Variants in HPS3 observed in about 807,000 individuals in gnomAD.
HPS3 encodes BLOC-2 complex member HPS3.
HPS3 carries 79 observed loss-of-function variants against 110.9 expected under a neutral mutation model. The ratio of observed to expected loss-of-function variants is 0.71; its 90% confidence interval spans 0.59 to 0.86. HPS3 has a LOEUF of 0.86. HPS3 is among the 40% of genes least tolerant of loss of function. The pLI is 0.00. For synonymous variants in HPS3, 428 were observed against 451.0 expected (o/e 0.95, Z 0.65); for missense variants, 1,197 against 1,206.2 (o/e 0.99, Z 0.11).
At chr3:149,133,929 T>A (rs967597138) in intron 1 of HPS3, among the ~76,000 whole-genome samples, 1 of 152,164 alleles carries the variant, frequency 6.6e-6, no homozygotes, top group African/African-American at 2.4e-5. Context: ...TTATTTGCTT[T>A]ATTGCGGTGG....
Position 149,162,875 on chromosome 3 carries a change from T to A in HPS3, c.2478T>A (p.Asp826Glu). Residue 826 changes from aspartate (D) to glutamate (E), a missense_variant, in exon 13 of 17, where the codon GAT becomes GAA. By Grantham distance (45) the Asp-to-Glu change is conservative (BLOSUM62 2). Coordinates refer to ENST00000296051, the MANE Select transcript of HPS3 (RefSeq NM_032383.5). The stretch of plus-strand genomic sequence containing the variant: ...CCACACCATTGCGAACATCGGAGGA[T>A]CTGGTAAGATAATGGAATAATACCT... The part of the protein sequence containing the change: ...PDTTPLRTSE[D>E]LINACSHYGL... The A allele has an allele frequency of 6.2e-7, 1 of 1,612,524 alleles. No homozygotes were observed. Among genetic ancestry groups the A allele is most frequent in the Non-Finnish European group, 8.5e-7 (1 of 1,178,604 alleles).
chr3:149,163,858 A>G lies in HPS3; in HGVS notation c.2498A>G (p.His833Arg). Residue 833 changes from histidine (H) to arginine (R), a missense_variant, in exon 14 of 17, where the codon CAT becomes CGT. Coordinates refer to ENST00000296051, the MANE Select transcript of HPS3 (RefSeq NM_032383.5). ...TSEDLINACSHYGLIYPWVHV... is the reference protein window; with the variant it reads ...TSEDLINACSRYGLIYPWVHV... ...ATGTTTTAGATAAATGCCTGTAGTCATTATGGCTTAATTTATCCATGGGTT... is the reference window on the plus strand; with the variant it reads ...ATGTTTTAGATAAATGCCTGTAGTCGTTATGGCTTAATTTATCCATGGGTT... 1 of 1,559,094 alleles carries G rather than the reference A, an allele frequency of 6.4e-7. No individual in the cohort carries two copies.
intron 1 of HPS3, among the ~76,000 whole-genome samples, chr3:149,135,908 A>G (rs918770140): frequency 1.0e-3 from 154 of 152,330 alleles, no homozygotes; most frequent in African/African-American, 3.6e-3. Flanking sequence ...TCCTGGAGTC[A>G]TAAAACATAT....
At chr3:149,135,171 A>G (rs2108120727) in intron 1 of HPS3, among the ~76,000 whole-genome samples, 2 of 152,330 alleles carry the variant, frequency 1.3e-5, no homozygotes, top group Middle Eastern at 6.8e-3. Flanking sequence ...AAAATCTCAA[A>G]TTAGCTGAAA....
Position 149,136,315 on chromosome 3 carries a change from G to A in HPS3, c.218-3689G>A, listed in dbSNP as rs549310830. 6.6e-5 allele frequency among the ~76,000 whole-genome samples: 10 copies of A among 152,192 alleles called. 1 individual carries two copies. The highest frequency in any genetic ancestry group is 2.4e-4 in the African/African-American group (10 of 41,514). ...AAGGATCACTTGAGTCCGGGAGGTG[G>A]AGGTTGCAGTGAGCCAAGACAACTT... On this transcript the variant is annotated intron_variant, in intron 1 of 16. Coordinates refer to ENST00000296051, the MANE Select transcript of HPS3 (RefSeq NM_032383.5).
At chr3:149,166,264 A>G (rs1475527755) in intron 14 of HPS3, among the ~76,000 whole-genome samples, 1 of 152,236 alleles carries the variant, frequency 6.6e-6, no homozygotes, top group Non-Finnish European at 1.5e-5. Context: ...GATAACAATG[A>G]TTAGTTCTAA....
Position 149,140,447 on chromosome 3 carries a change from G to A in HPS3, c.661G>A (p.Val221Ile), listed in dbSNP as rs143063861. 35 of 1,612,328 alleles carry A rather than the reference G, an allele frequency of 2.2e-5. No individual in the cohort carries two copies. In the African/African-American group the frequency reaches 3.6e-4, roughly 17 times the overall value. Residue 221 changes from valine (V) to isoleucine (I), a missense_variant, in exon 2 of 17, where the codon GTT becomes ATT. Transcript: ENST00000296051. ...GTCAGGCCCTAAAAATGGAGAGAGAGTTCACCACCATCCACATAAGACCAA... is the reference window on the plus strand; with the variant it reads ...GTCAGGCCCTAAAAATGGAGAGAGAATTCACCACCATCCACATAAGACCAA... The part of the protein sequence containing the change: ...LESGPKNGER[V>I]HHHPHKTNNR...
chr3:149,157,164 A>G (rs1723505679), intron 8 of HPS3, among the ~76,000 whole-genome samples, 186 bp from the exon 9 acceptor site: 1 of 152,206 alleles, frequency 6.6e-6, no homozygotes, highest in Admixed American at 6.5e-5. Context: ...ACTGGCTCAT[A>G]GATGGTGGGA....
In HPS3 at chr3:149,140,240, T is replaced by C. The variant is rs779562582; in HGVS notation, c.454T>C (p.Cys152Arg). Residue 152 changes from cysteine to arginine, a missense_variant, in exon 2 of 17, where the codon TGC becomes CGC. Coordinates refer to ENST00000296051, the MANE Select transcript of HPS3 (RefSeq NM_032383.5). ...CPVKGDLLVG[C>R]TNKLVLFSLK... ...TGTGAAAGGAGACCTTCTCGTTGGC[T>C]GCACAAATAAATTAGTCTTATTTAG... The C allele has an allele frequency of 1.2e-6, 2 of 1,614,222 alleles. No homozygotes were observed. Among genetic ancestry groups the C allele is most frequent in the Non-Finnish European group, 1.7e-6 (2 of 1,180,034 alleles).
chr3:149,150,126 G>A (rs1490437992), intron 5 of HPS3, among the ~76,000 whole-genome samples: 1 of 152,212 alleles, frequency 6.6e-6, no homozygotes, highest in Non-Finnish European at 1.5e-5. Context: ...CATAGTCTGT[G>A]TTGTCCAGCA....
intron 11 of HPS3, among the ~76,000 whole-genome samples, chr3:149,160,514 G>A (rs962609899): frequency 4.6e-5 from 7 of 152,218 alleles, no homozygotes; most frequent in African/African-American, 1.4e-4. Context: ...TGTCAAGTGC[G>A]TTCAGAGCAC....
intron 1 of HPS3, among the ~76,000 whole-genome samples, chr3:149,130,980 G>T (rs1260891597): frequency 6.6e-6 from 1 of 152,102 alleles, no homozygotes; most frequent in Non-Finnish European, 1.5e-5. Flanking sequence ...GTAAAGTTCA[G>T]TATTTACGTT....
chr3:149,129,678 G>C lies in HPS3; in HGVS notation c.-46G>C, dbSNP rs755388030. 7 of 1,408,964 alleles carry C rather than the reference G, an allele frequency of 5.0e-6. No individual in the cohort carries two copies. Among genetic ancestry groups the C allele is most frequent in the South Asian group, 1.4e-5 (1 of 72,730 alleles). The allele number at this position is 1,408,964 out of a possible 1,614,324, so 87.3% of individuals were successfully genotyped here. A position where few individuals can be genotyped will look rare whatever the true frequency, so the allele number is the denominator to read the frequency against. On this transcript the variant is annotated 5_prime_UTR_variant, in exon 1 of 17. Transcript: ENST00000296051. ...TTCGCGGTCAGCGCGGGGTCTCCGG[G>C]CGCCCTGCAGGGCGGGCAGGCTGTG...
intron 1 of HPS3, among the ~76,000 whole-genome samples, chr3:149,130,857 C>G (rs891254380): frequency 2.0e-5 from 3 of 152,134 alleles, no homozygotes; most frequent in Admixed American, 6.5e-5. Flanking sequence ...GTGGGTGAAT[C>G]CTATTTTAGA....
intron 5 of HPS3, among the ~76,000 whole-genome samples, chr3:149,148,069 C>A (rs7622088): frequency 0.23 from 34,907 of 151,904 alleles, 4,376 homozygotes; most frequent in African/African-American, 0.34. Flanking sequence ...GATGGGGTTT[C>A]ACCATGTTGG....
In HPS3 at chr3:149,141,438, G is replaced by T. The variant is rs906891890; in HGVS notation, c.970+58G>T. The T allele has an allele frequency of 2.8e-6, 4 of 1,408,452 alleles. No homozygotes were observed. The South Asian group carries it at 3.5e-5, about 12-fold the overall frequency. 87.2% of individuals were successfully genotyped at this position (1,408,452 alleles called of 1,614,324 possible). On this transcript the variant is annotated intron_variant, in intron 4 of 16. Coordinates refer to ENST00000296051, the MANE Select transcript of HPS3 (RefSeq NM_032383.5). Reference sequence around the variant, plus strand: ...AGCAAGGTGAAAATGCTCTGTCTGGGCTGGGAGTGAAGACCCATGTGGGTA... The same window carrying T: ...AGCAAGGTGAAAATGCTCTGTCTGGTCTGGGAGTGAAGACCCATGTGGGTA...
intron 4 of HPS3, among the ~76,000 whole-genome samples, chr3:149,141,651 A>G (rs1722480200): frequency 1.4e-5 from 2 of 147,782 alleles, no homozygotes; most frequent in Non-Finnish European, 3.0e-5. Context: ...CTCCTGCCTC[A>G]GCCTCCCGAG....
intron 4 of HPS3, among the ~76,000 whole-genome samples, chr3:149,144,514 C>T (rs1359424660): frequency 6.6e-6 from 1 of 152,204 alleles, no homozygotes; most frequent in Non-Finnish European, 1.5e-5. Flanking sequence ...TCATACATTG[C>T]AATTGATTGC....
intron 8 of HPS3, among the ~76,000 whole-genome samples, chr3:149,156,874 A>T (rs368843406): frequency 6.6e-6 from 1 of 152,310 alleles, no homozygotes; most frequent in African/African-American, 2.4e-5. Flanking sequence ...TTAGCTAGTG[A>T]TAATTTTTAT....
Sources: allele counts gnomAD v4.1 joint callset (sites outside exome capture counted in the v4.1 genomes callset), GRCh38; gene constraint gnomAD v4.1.1; transcripts MANE v1.5; gene names NCBI Gene and HGNC (gene_info 2026-07-23, HGNC 2026-07-21).